The following RGPD1 variants were observed in gnomAD, a reference collection of about 807,000 sequenced individuals.
RGPD1 encodes RANBP2-like and GRIP domain-containing protein 1.
Under a neutral mutation model 40.6 loss-of-function variants are expected in RGPD1, and 7 were observed. The ratio of observed to expected loss-of-function variants is 0.17; its 90% CI spans 0.10 to 0.32. The LOEUF (loss-of-function observed/expected upper bound fraction) is 0.32, where lower values mean the gene tolerates loss of function less well. Ranked by LOEUF, RGPD1 falls within the 10% of genes least tolerant of loss-of-function variation. RGPD1 has a pLI of 1.00. For missense variants in RGPD1, 50 were observed against 472.5 expected (o/e 0.11, Z 8.29); for synonymous variants, 24 against 167.0 (o/e 0.14, Z 6.60).
rs1157786215 is a variant in RGPD1, at chr2:87,013,567, G to A, written c.*1020G>A. 2.4e-5 allele frequency: 2 copies of A among 82,034 alleles called. No homozygotes were observed. The highest frequency in any genetic ancestry group is 4.7e-5 in the Non-Finnish European group (2 of 42,250). 5.1% of individuals were successfully genotyped at this position (82,034 alleles called of 1,614,324 possible). On this transcript the variant is annotated 3_prime_UTR_variant, in exon 23 of 23. Coordinates refer to ENST00000641458, the MANE Select transcript of RGPD1 (RefSeq NM_001382344.1). ...AGATGGGGGAATGGCAGGCTTTTCC[G>A]AGGCTGAAAGAGATCCAACCCACTT...
chr2:86,998,552 A>C lies in RGPD1; in HGVS notation c.5236+794A>C, dbSNP rs1199516555. ...AAAAAAAAAAAAAAAAAAAAAAAAA[A>C]AAAAAAAAAAAACTATGATGTAGTT... On this transcript the variant is annotated intron_variant, in intron 22 of 22. Transcript: ENST00000641458. 1.3e-3 allele frequency among the ~76,000 whole-genome samples: 133 copies of C among 101,028 alleles called. 1 individual carries two copies. The highest frequency in any genetic ancestry group is 5.0e-3 in the African/African-American group (127 of 25,382). The allele number at this position is 101,028 out of a possible 152,430, so 66.3% of individuals were successfully genotyped here.
intron 1 of RGPD1, among the ~76,000 whole-genome samples, chr2:86,931,174 C>T (rs1161318185): frequency 2.1e-5 from 3 of 146,152 alleles, no homozygotes; most frequent in Non-Finnish European, 4.5e-5. Flanking sequence ...CAGTTACTTA[C>T]ATCAATCTGC....
chr2:86,924,404 G>A (rs1339579558), intron 1 of RGPD1, among the ~76,000 whole-genome samples: 1 of 150,340 alleles, frequency 6.7e-6, no homozygotes, highest in East Asian at 2.0e-4. Context: ...ATCCGCCCAT[G>A]TTGACCTCCC....
chr2:86,931,126 T>TA (rs1462137680), intron 1 of RGPD1, among the ~76,000 whole-genome samples: 1 of 126,466 alleles, frequency 7.9e-6, no homozygotes, highest in Non-Finnish European at 1.6e-5. Context: ...TCGACTCTGA[T>TA]AAAGTGATAA....
At chr2:86,938,429 A>G (rs1363563459), upstream of RGPD1, among the ~76,000 whole-genome samples, 1 of 95,286 alleles carries the variant, frequency 1.0e-5, no homozygotes, top group Non-Finnish European at 1.9e-5. Context: ...GAGAAATACT[A>G]GTTTGGTGGG....
intron 22 of RGPD1, among the ~76,000 whole-genome samples, chr2:87,008,843 C>T (rs1454792228): frequency 5.3e-5 from 3 of 56,696 alleles, no homozygotes; most frequent in African/African-American, 2.3e-4. Context: ...ATGGATATGG[C>T]CAATGAAAGA....
At chr2:86,954,766 G>T (rs1191217793) in intron 4 of RGPD1, among the ~76,000 whole-genome samples, 1 of 150,602 alleles carries the variant, frequency 6.6e-6, no homozygotes, top group Non-Finnish European at 1.5e-5. Flanking sequence ...CAATGTGTAT[G>T]TATAGTTTTC....
upstream of RGPD1, among the ~76,000 whole-genome samples, chr2:86,942,011 G>A (rs1408450928): frequency 6.6e-6 from 1 of 151,632 alleles, no homozygotes; most frequent in Non-Finnish European, 1.5e-5. Context: ...GGCGCCCGGC[G>A]GGCAAGACAC....
chr2:86,926,944 T>A (rs1558787469), intron 1 of RGPD1, among the ~76,000 whole-genome samples: 2 of 152,110 alleles, frequency 1.3e-5, no homozygotes, highest in Admixed American at 1.3e-4. Context: ...TTTGGAACTG[T>A]AATGTGTTAC....
chr2:86,931,859 CAG>C (rs1222699178), intron 1 of RGPD1, among the ~76,000 whole-genome samples: 7 of 148,376 alleles, frequency 4.7e-5, no homozygotes, highest in Non-Finnish European at 8.9e-5. Context: ...TTACATATAT[CAG>C]AGTTTGTAAT....
Position 86,923,033 on chromosome 2 carries a change from C to CTT in RGPD1, c.72+9133_72+9134dup, listed in dbSNP as rs1196456916. ...TCGTATCAGGTTCCATGGTATATTC[C>CTT]TTTTTTTTTTTTTTTTTTTTTTGAG... is the stretch of plus-strand genomic sequence containing the variant. On this transcript the variant is annotated intron_variant, in intron 1 of 22. Coordinates refer to the RGPD1 transcript ENST00000398193. Among the ~76,000 whole-genome samples the CTT allele has an allele frequency of 1.5e-3, 81 of 54,474 alleles. 1 individual carries two copies. The highest frequency in any genetic ancestry group is 1.8e-3 in the Non-Finnish European group (53 of 30,158). The allele number at this position is 54,474 out of a possible 152,430, so 35.7% of individuals were successfully genotyped here. A position where few individuals can be genotyped will look rare whatever the true frequency, so the allele number is the denominator to read the frequency against.
At chr2:86,945,347 G>T (rs1235787464) in intron 1 of RGPD1, among the ~76,000 whole-genome samples, 2 of 152,050 alleles carry the variant, frequency 1.3e-5, no homozygotes, top group Non-Finnish European at 2.9e-5. Context: ...ATTCTGTAAA[G>T]TTAGGTTTGA....
At chr2:86,978,102 T>C (rs1681342893) in intron 17 of RGPD1, among the ~76,000 whole-genome samples, 171 bp downstream of exon 17, 1 of 125,522 alleles carries the variant, frequency 8.0e-6, no homozygotes, top group South Asian at 2.6e-4. Context: ...GGTCTTGTTG[T>C]GCAGGCTGCA....
At chr2:86,929,328 G>A (rs887140580) in intron 1 of RGPD1, among the ~76,000 whole-genome samples, 1 of 151,284 alleles carries the variant, frequency 6.6e-6, no homozygotes, top group Non-Finnish European at 1.5e-5. Flanking sequence ...TCAGTTCAGA[G>A]CGGCCGGAGA....
chr2:86,931,917 A>T (rs1678999728), intron 1 of RGPD1, among the ~76,000 whole-genome samples: 1 of 145,368 alleles, frequency 6.9e-6, no homozygotes, highest in East Asian at 2.0e-4. Flanking sequence ...AGAGAAGATA[A>T]TAATATATTC....
chr2:86,913,854 G>C lies in RGPD1; in HGVS notation c.5G>C (p.Arg2Thr), dbSNP rs763175829. The C allele has an allele frequency of 1.4e-4, 218 of 1,578,664 alleles. 5 individuals carry two copies. The highest frequency in any genetic ancestry group is 4.6e-4 in the Middle Eastern group (2 of 4,350). The change falls in exon 1 of 23, where the codon AGG (arginine) becomes ACG (threonine). Residue 2 changes from arginine to threonine, a missense_variant. Physicochemically the swap from Arg to Thr is moderately conservative, Grantham distance 71 (BLOSUM62 -1). Coordinates refer to the RGPD1 transcript ENST00000398193. ...GGGAGCCAGGTTGGCGGTGCGATGA[G>C]GCGCAGCAAGGCCTACGGGGAGCGG...
upstream of RGPD1, among the ~76,000 whole-genome samples, chr2:86,941,963 C>T (rs1378294337): frequency 2.6e-5 from 4 of 151,944 alleles, no homozygotes; most frequent in African/African-American, 7.3e-5. Context: ...CCGCCCGCCT[C>T]GGCCTCCCAA....
chr2:86,936,956 T>C (rs1679396261), intron 1 of RGPD1, among the ~76,000 whole-genome samples: 1 of 118,724 alleles, frequency 8.4e-6, no homozygotes, highest in African/African-American at 3.8e-5. Flanking sequence ...TCAACACTTT[T>C]GAGTGCACAG....
intron 1 of RGPD1, among the ~76,000 whole-genome samples, chr2:86,944,364 G>A (rs992720724): frequency 5.3e-5 from 8 of 151,842 alleles, no homozygotes; most frequent in Non-Finnish European, 1.2e-4. Flanking sequence ...GACCTTAATT[G>A]AGGGTTCCTG....
Sources: allele counts gnomAD v4.1 joint callset (sites outside exome capture counted in the v4.1 genomes callset), GRCh38; gene constraint gnomAD v4.1.1; transcripts MANE v1.5; gene names NCBI Gene and HGNC (gene_info 2026-07-23, HGNC 2026-07-21).